SAMD4A: variants seen among roughly 807,000 people sequenced by gnomAD.
SAMD4A encodes the protein protein Smaug homolog 1.
Under a neutral mutation model 81.3 loss-of-function variants are expected in SAMD4A, and 33 were observed. The observed-to-expected ratio is 0.41, with a 90% confidence interval of 0.31 to 0.54. SAMD4A has a LOEUF of 0.54. Among genes scored for constraint, SAMD4A ranks in the 20% least tolerant of loss-of-function variants. The pLI, the probability that SAMD4A is intolerant of heterozygous loss-of-function variation, is 0.37. For synonymous variants in SAMD4A, 389 were observed against 382.1 expected, an observed-to-expected ratio of 1.02 and a Z score of -0.21; for missense variants, 854 against 951.1, an observed-to-expected ratio of 0.90 and a Z score of 1.34.
chr14:54,690,348 T>C (rs1214347896), intron 2 of SAMD4A, among the ~76,000 whole-genome samples: 1 of 152,056 alleles, frequency 6.6e-6, no homozygotes, highest in Non-Finnish European at 1.5e-5. Context: ...GAGTATGTAA[T>C]GATAAATAAT....
At position 54,634,029 on chromosome 14, in the gene SAMD4A, G is replaced by A. The variant is rs1594756139; in HGVS notation, c.196+65917G>A. 2.6e-5 allele frequency among the ~76,000 whole-genome samples: 4 copies of A among 152,170 alleles called. No homozygotes were observed. The South Asian group carries it at 8.3e-4, about 32-fold the overall frequency. ...TTATGTATATTCAGCTGGGTGCGGTGGCTCACGCCTGTAATTCCAGCACAG... is the reference window on the plus strand; with the variant it reads ...TTATGTATATTCAGCTGGGTGCGGTAGCTCACGCCTGTAATTCCAGCACAG... On this transcript the variant is annotated intron_variant, in intron 2 of 12. Coordinates refer to ENST00000554335, the MANE Select transcript of SAMD4A (RefSeq NM_015589.6).
intron 3 of SAMD4A, among the ~76,000 whole-genome samples, chr14:54,736,717 A>G (rs752790432): frequency 4.6e-5 from 7 of 152,236 alleles, no homozygotes; most frequent in Non-Finnish European, 8.8e-5. Context: ...ACCCCGTCCT[A>G]TGAATCCTGA....
rs114124038 is a variant in SAMD4A, at chr14:54,782,359, C to T, written c.2045-2178C>T. Among the ~76,000 whole-genome samples, 1,062 of 151,628 alleles carry T rather than the reference C, an allele frequency of 7.0e-3. 13 individuals are homozygous for T. Among genetic ancestry groups the T allele is most frequent in the African/African-American group, 0.025 (1,013 of 41,338 alleles). Reference sequence around the variant, plus strand: ...TTTTTTTTTTTCATATTTGCTAACTCGCTATATATAAAATTGTGTTTCTAT... The same window carrying T: ...TTTTTTTTTTTCATATTTGCTAACTTGCTATATATAAAATTGTGTTTCTAT... On this transcript the variant is annotated intron_variant, in intron 11 of 12. Coordinates refer to ENST00000554335, the MANE Select transcript of SAMD4A (RefSeq NM_015589.6).
chr14:54,596,533 C>T (rs1445510621), intron 2 of SAMD4A, among the ~76,000 whole-genome samples: 3 of 152,100 alleles, frequency 2.0e-5, no homozygotes, highest in South Asian at 4.2e-4. Flanking sequence ...TACAGTGAGC[C>T]GAGATCATGC....
At chr14:54,581,540 A>C (rs1237905260) in intron 2 of SAMD4A, among the ~76,000 whole-genome samples, 1 of 152,210 alleles carries the variant, frequency 6.6e-6, no homozygotes, top group African/African-American at 2.4e-5. Flanking sequence ...CTTTTCATTG[A>C]TTAGATCATT....
chr14:54,638,328 C>T (rs1167991840), intron 2 of SAMD4A, among the ~76,000 whole-genome samples: 1 of 152,132 alleles, frequency 6.6e-6, no homozygotes, highest in African/African-American at 2.4e-5. Flanking sequence ...ATGGAATTTC[C>T]CCCATTTGTC....
chr14:54,733,953 G>C (rs2037625212), intron 3 of SAMD4A, among the ~76,000 whole-genome samples: 1 of 152,130 alleles, frequency 6.6e-6, no homozygotes, highest in Non-Finnish European at 1.5e-5. Context: ...CTCTGCCACT[G>C]GCCCCCTCGT....
intron 2 of SAMD4A, among the ~76,000 whole-genome samples, chr14:54,644,991 T>C (rs988833918): frequency 2.0e-5 from 3 of 152,214 alleles, no homozygotes; most frequent in East Asian, 1.9e-4. Flanking sequence ...AAAATAGTTA[T>C]CTGAAATGGC....
intron 2 of SAMD4A, among the ~76,000 whole-genome samples, chr14:54,699,147 G>C (rs1169577976): frequency 6.6e-6 from 1 of 152,068 alleles, no homozygotes; most frequent in Non-Finnish European, 1.5e-5. Flanking sequence ...GGCCCCTTTT[G>C]CTTCTTTTCA....
chr14:54,779,930 G>GT (rs1484620698), intron 11 of SAMD4A, among the ~76,000 whole-genome samples: 1 of 152,120 alleles, frequency 6.6e-6, no homozygotes, highest in Non-Finnish European at 1.5e-5. Context: ...GAGGCAGGGC[G>GT]TTTTCTCAAC....
intron 2 of SAMD4A, among the ~76,000 whole-genome samples, chr14:54,675,367 C>CCAAAAAAAAA (rs2035969602): frequency 1.3e-5 from 1 of 75,390 alleles, no homozygotes; most frequent in Non-Finnish European, 2.5e-5. Context: ...ACTCCGTCTC[C>CCAAAAAAAAA]AAAAAAAAAA....
At chr14:54,652,281 C>T (rs1375686609) in intron 2 of SAMD4A, among the ~76,000 whole-genome samples, 1 of 152,168 alleles carries the variant, frequency 6.6e-6, no homozygotes, top group Non-Finnish European at 1.5e-5. Flanking sequence ...CTTTCCATTC[C>T]TTTGCTTTAT....
At chr14:54,715,536 G>T (rs1211293230) in intron 3 of SAMD4A, among the ~76,000 whole-genome samples, 2 of 152,206 alleles carry the variant, frequency 1.3e-5, no homozygotes, top group East Asian at 1.9e-4. Context: ...TTTTAAAAAA[G>T]AATGTGAAAA....
intron 11 of SAMD4A, among the ~76,000 whole-genome samples, chr14:54,776,928 G>T (rs1225113175): frequency 2.0e-5 from 3 of 152,042 alleles, no homozygotes; most frequent in African/African-American, 7.2e-5. Flanking sequence ...AACTGTTGAT[G>T]CTGAGACCTT....
At chr14:54,573,098 T>C (rs1418783224) in intron 2 of SAMD4A, among the ~76,000 whole-genome samples, 2 of 152,246 alleles carry the variant, frequency 1.3e-5, no homozygotes, top group African/African-American at 2.4e-5. Flanking sequence ...ATTTAGGGGC[T>C]TTATATATGA....
At chr14:54,748,144 T>C (rs998717496) in intron 4 of SAMD4A, among the ~76,000 whole-genome samples, 1 of 152,192 alleles carries the variant, frequency 6.6e-6, no homozygotes, top group African/African-American at 2.4e-5. Context: ...TTCCATAGCT[T>C]GGAGAAATGG....
intron 2 of SAMD4A, among the ~76,000 whole-genome samples, chr14:54,610,746 A>G (rs2034331108): frequency 6.6e-6 from 1 of 152,238 alleles, no homozygotes; most frequent in African/African-American, 2.4e-5. Context: ...TGATATAATC[A>G]TTTGAATCTG....
Position 54,788,898 on chromosome 14 carries a change from T to C in SAMD4A, c.2129-18T>C, listed in dbSNP as rs371626572. 75 of 1,614,208 alleles carry C rather than the reference T, an allele frequency of 4.6e-5. No homozygotes were observed. In the African/African-American group the frequency reaches 7.6e-4, roughly 16 times the overall value. ...GTTTTGCTCACCTGTGCCCATCGTT[T>C]GCTGCTTTCTCTCCCAGACGGGGTT... is the stretch of plus-strand genomic sequence containing the variant. On this transcript the variant is annotated intron_variant, in intron 12 of 12. Transcript: ENST00000554335.
chr14:54,786,605 G>C (rs2039147802), intron 12 of SAMD4A, among the ~76,000 whole-genome samples: 1 of 152,172 alleles, frequency 6.6e-6, no homozygotes, highest in South Asian at 2.1e-4. Context: ...AGCTGGGTGG[G>C]GGACTGACTC....
Sources: gnomAD v4.1 joint callset for allele counts (sites outside exome capture counted in the v4.1 genomes callset) on GRCh38, gnomAD v4.1.1 for gene constraint, MANE v1.5 for transcripts, NCBI Gene and HGNC (gene_info 2026-07-23, HGNC 2026-07-21) for gene names.